The following LNX1 variants were observed in gnomAD, a reference collection of about 807,000 sequenced individuals.
The protein encoded by LNX1 is E3 ubiquitin-protein ligase LNX.
LNX1 carries 54 observed loss-of-function variants against 68.4 expected under a neutral mutation model. The observed-to-expected ratio is 0.79, with a 90% CI of 0.63 to 0.99. The LOEUF is 0.99. Among genes scored for constraint, LNX1 ranks in the 50% least tolerant of loss-of-function variants. The pLI is 0.00. For missense variants in LNX1, 906 were observed against 926.4 expected, an observed-to-expected ratio of 0.98 and a Z score of 0.29; for synonymous variants, 336 against 350.0, an observed-to-expected ratio of 0.96 and a Z score of 0.45.
intron 2 of LNX1, among the ~76,000 whole-genome samples, chr4:53,525,870 T>C (rs770065637): frequency 5.9e-5 from 9 of 152,322 alleles, no homozygotes; most frequent in Non-Finnish European, 1.2e-4. Flanking sequence ...GCTGGGCTGG[T>C]TAAGATAATG....
chr4:53,536,964 T>G (rs1247303946), intron 2 of LNX1, among the ~76,000 whole-genome samples: 3 of 152,240 alleles, frequency 2.0e-5, no homozygotes, highest in African/African-American at 7.2e-5. Context: ...TCTGACTTGG[T>G]GTTAACAGTG....
At chr4:53,604,053 A>T (rs1353515148) in intron 2 of LNX1, 1 of 152,192 alleles carries the variant, frequency 6.6e-6, no homozygotes, top group Non-Finnish European at 1.5e-5. Flanking sequence ...TTGATTTCTG[A>T]TAGTCATTCC....
chr4:53,549,161 CTAAAA>C (rs1486733061), intron 2 of LNX1, among the ~76,000 whole-genome samples: 2 of 152,092 alleles, frequency 1.3e-5, no homozygotes, highest in African/African-American at 2.4e-5. Flanking sequence ...CCCCCCAAAT[CTAAAA>C]TAAAAGTAAA....
intron 9 of LNX1, among the ~76,000 whole-genome samples, chr4:53,470,351 G>C (rs1723062494): frequency 1.3e-5 from 2 of 152,198 alleles, no homozygotes; most frequent in East Asian, 3.9e-4. Flanking sequence ...AAAATAATAA[G>C]AGCTATCTGT....
chr4:53,583,409 C>T (rs1350495975), intron 1 of LNX1, among the ~76,000 whole-genome samples: 2 of 152,048 alleles, frequency 1.3e-5, no homozygotes, highest in Non-Finnish European at 2.9e-5. Context: ...GAGGCAGGTG[C>T]TTACAGGCTG....
intron 2 of LNX1, among the ~76,000 whole-genome samples, chr4:53,562,904 T>C (rs765714458): frequency 1.3e-4 from 20 of 152,160 alleles, no homozygotes; most frequent in Non-Finnish European, 2.2e-4. Context: ...CAATATGTAT[T>C]TGTCAATTAA....
intron 9 of LNX1, among the ~76,000 whole-genome samples, chr4:53,466,195 G>A (rs1218208160): frequency 6.6e-6 from 1 of 152,014 alleles, no homozygotes; most frequent in Admixed American, 6.5e-5. Flanking sequence ...CACTAATATT[G>A]TACTGTTTTC....
intron 5 of LNX1, 185 bp from the exon 6 acceptor site, chr4:53,496,579 G>T: frequency 1.5e-6 from 1 of 646,490 alleles, no homozygotes; most frequent in Non-Finnish European, 2.6e-6. Flanking sequence ...AGCGTGGCCT[G>T]CAGCACCTCT....
chr4:53,473,053 T>C (rs1176865073), intron 9 of LNX1, among the ~76,000 whole-genome samples: 2 of 152,152 alleles, frequency 1.3e-5, no homozygotes, highest in Non-Finnish European at 2.9e-5. Flanking sequence ...GAAGGTGATT[T>C]CTTAAAACTA....
intron 9 of LNX1, among the ~76,000 whole-genome samples, chr4:53,463,983 A>G (rs1248499563): frequency 6.6e-6 from 1 of 152,148 alleles, no homozygotes; most frequent in East Asian, 1.9e-4. Context: ...TGCATCAGCC[A>G]AAGCCAGTTG....
intron 1 of LNX1, among the ~76,000 whole-genome samples, chr4:53,582,760 GCTC>G (rs1314765916): frequency 6.6e-6 from 1 of 151,702 alleles, no homozygotes; most frequent in Non-Finnish European, 1.5e-5. Flanking sequence ...TTTGGATTAA[GCTC>G]CATGTGGCAG....
At chr4:53,566,333 G>T (rs1730688939) in intron 2 of LNX1, among the ~76,000 whole-genome samples, 1 of 151,574 alleles carries the variant, frequency 6.6e-6, no homozygotes, top group South Asian at 2.1e-4. Flanking sequence ...AAGAGAGTGG[G>T]GGCCAATATT....
chr4:53,618,356 G>T (rs1733753823), upstream of LNX1, among the ~76,000 whole-genome samples: 3 of 152,158 alleles, frequency 2.0e-5, no homozygotes, highest in South Asian at 6.2e-4. Context: ...TTGCTGTGTA[G>T]TCCATTAGGC....
chr4:53,538,666 A>T (rs902410149), intron 2 of LNX1, among the ~76,000 whole-genome samples: 22 of 152,160 alleles, frequency 1.4e-4, no homozygotes, highest in Non-Finnish European at 1.5e-5. Flanking sequence ...GTCTCACTTG[A>T]TTCATCTATT....
At chr4:53,519,312 G>A (rs189633179) in intron 2 of LNX1, among the ~76,000 whole-genome samples, 22 of 152,148 alleles carry the variant, frequency 1.4e-4, no homozygotes, top group African/African-American at 4.8e-4. Context: ...CATAGCATTT[G>A]AGGTGGGAAA....
rs1560664947 is a variant in LNX1, at chr4:53,558,033, G to C, written c.380+15590C>G. The C allele has an allele frequency of 5.0e-6, 8 of 1,598,024 alleles. No homozygotes were observed. In the South Asian group the frequency reaches 9.0e-5, roughly 18 times the overall value. ...AGCTACAAGGGCCCAAACCAGCCAA[G>C]CTCCTTTAAGCAAACCTTGCCATGC... On this transcript the variant is annotated intron_variant, in intron 2 of 10. Coordinates refer to ENST00000263925, the MANE Select transcript of LNX1 (RefSeq NM_001126328.3).
intron 6 of LNX1, among the ~76,000 whole-genome samples, chr4:53,493,990 C>T (rs1724878852): frequency 6.6e-6 from 1 of 152,158 alleles, no homozygotes; most frequent in Non-Finnish European, 1.5e-5. Context: ...TGTCTCTTGC[C>T]TCGTCTATGG....
At chr4:53,630,773 A>T (rs1325597539) in intron 1 of LNX1, among the ~76,000 whole-genome samples, 1 of 152,234 alleles carries the variant, frequency 6.6e-6, no homozygotes, top group Admixed American at 6.5e-5. Context: ...TCACCAGAGG[A>T]TCATAGGAAG....
chr4:53,469,761 G>A (rs992593942), intron 9 of LNX1, among the ~76,000 whole-genome samples: 21 of 152,204 alleles, frequency 1.4e-4, no homozygotes, highest in South Asian at 6.2e-4. Flanking sequence ...TAAATTCCTC[G>A]ACACATACAC....
Sources: allele counts gnomAD v4.1 joint callset (sites outside exome capture counted in the v4.1 genomes callset), GRCh38; gene constraint gnomAD v4.1.1; transcripts MANE v1.5; gene names NCBI Gene and HGNC (gene_info 2026-07-23, HGNC 2026-07-21).